Variants in EYS observed in about 807,000 individuals in gnomAD.
The protein encoded by EYS is EGF-like photoreceptor maintenance factor, also known as protein eyes shut homolog.
EYS carries 250 observed loss-of-function variants against 282.1 expected under a neutral mutation model. The ratio of observed to expected loss-of-function variants is 0.89; its 90% CI spans 0.80 to 0.98. EYS has a LOEUF of 0.98. Among genes scored for constraint, EYS ranks in the 50% least tolerant of loss-of-function variants. The pLI, the probability that EYS is intolerant of heterozygous loss-of-function variation, is 0.00. For missense variants in EYS, 4,016 were observed against 3,709.0 expected (o/e 1.08, Z -2.15); for synonymous variants, 1,355 against 1,282.9 (o/e 1.06, Z -1.20).
intron 12 of EYS, among the ~76,000 whole-genome samples, chr6:65,242,799 AT>A (rs1449858361): frequency 6.6e-6 from 1 of 151,986 alleles, no homozygotes; most frequent in Admixed American, 6.6e-5. Context: ...TATTTTTATT[AT>A]ATTTGATCTA....
At chr6:63,991,087 T>C (rs1026707726) in intron 34 of EYS, among the ~76,000 whole-genome samples, 1 of 151,652 alleles carries the variant, frequency 6.6e-6, no homozygotes, top group Non-Finnish European at 1.5e-5. Flanking sequence ...ACCTGTAGTA[T>C]CATATACAGA....
At chr6:64,313,730 A>G (rs1374510447) in intron 29 of EYS, among the ~76,000 whole-genome samples, 1 of 152,192 alleles carries the variant, frequency 6.6e-6, no homozygotes, top group Middle Eastern at 3.2e-3. Context: ...CTTAAAGAAA[A>G]GAATTTTCAG....
In EYS at chr6:65,296,998, A is replaced by G. The variant is rs181839050; in HGVS notation, c.1767-879T>C. On this transcript the variant is annotated intron_variant, in intron 11 of 42. Transcript: ENST00000503581. Reference sequence around the variant, plus strand: ...TTCAAATACAGACGTGCACAGAAACACACACACATCTGTTCAAGGCCTAAT... The same window carrying G: ...TTCAAATACAGACGTGCACAGAAACGCACACACATCTGTTCAAGGCCTAAT... Among the ~76,000 whole-genome samples the G allele has an allele frequency of 2.7e-3, 417 of 151,866 alleles. 12 individuals are homozygous for G. Among genetic ancestry groups the G allele is most frequent in the Admixed American group, 0.026 (393 of 15,222 alleles).
chr6:64,982,560 G>A (rs960965593), intron 14 of EYS, among the ~76,000 whole-genome samples: 3 of 151,180 alleles, frequency 2.0e-5, no homozygotes, highest in African/African-American at 7.3e-5. Context: ...AAAGAAGTTT[G>A]AAAAGTGTTG....
At chr6:64,213,318 T>C (rs1256206589) in intron 31 of EYS, among the ~76,000 whole-genome samples, 37 of 152,186 alleles carry the variant, frequency 2.4e-4, no homozygotes, top group Admixed American at 2.4e-3. Flanking sequence ...GTTCAAGTGC[T>C]CTATAATCTG....
intron 30 of EYS, among the ~76,000 whole-genome samples, chr6:64,292,519 A>G (rs1768749779): frequency 6.6e-6 from 1 of 152,120 alleles, no homozygotes; most frequent in Non-Finnish European, 1.5e-5. Flanking sequence ...AAGTTAGAAT[A>G]AGGTTGGGAC....
chr6:64,474,991 A>G (rs1776217749), intron 26 of EYS, among the ~76,000 whole-genome samples: 1 of 152,234 alleles, frequency 6.6e-6, no homozygotes, highest in Non-Finnish European at 1.5e-5. Context: ...TCTCTTGGCC[A>G]TGAGGCAATG....
chr6:64,020,365 C>G (rs919544963), intron 33 of EYS, among the ~76,000 whole-genome samples: 3 of 152,024 alleles, frequency 2.0e-5, no homozygotes, highest in African/African-American at 7.3e-5. Context: ...AAAACCTTTT[C>G]CTTTAAAAAT....
At chr6:64,615,769 T>C (rs1331684073) in intron 24 of EYS, among the ~76,000 whole-genome samples, 1 of 152,110 alleles carries the variant, frequency 6.6e-6, no homozygotes, top group African/African-American at 2.4e-5. Flanking sequence ...TTAAATTTTG[T>C]TTCAGCTTTC....
chr6:63,954,687 T>G (rs897576099), intron 35 of EYS, among the ~76,000 whole-genome samples: 1 of 152,092 alleles, frequency 6.6e-6, no homozygotes, highest in African/African-American at 2.4e-5. Flanking sequence ...ACGGCAGTTG[T>G]TCTTCTCATC....
intron 8 of EYS, among the ~76,000 whole-genome samples, chr6:65,367,504 C>T (rs972523409): frequency 2.6e-5 from 4 of 151,432 alleles, no homozygotes; most frequent in African/African-American, 7.3e-5. Flanking sequence ...TTTAAAATGT[C>T]TATATGTTTC....
chr6:64,126,506 A>G (rs1466775431), intron 31 of EYS, among the ~76,000 whole-genome samples: 1 of 151,932 alleles, frequency 6.6e-6, no homozygotes, highest in African/African-American at 2.4e-5. Context: ...TCACTCAGAT[A>G]TCTTACTAAT....
intron 32 of EYS, among the ~76,000 whole-genome samples, chr6:64,077,732 T>G (rs912942874): frequency 6.6e-6 from 1 of 151,980 alleles, no homozygotes; most frequent in Non-Finnish European, 1.5e-5. Flanking sequence ...TGCATGGTAA[T>G]ATATCCCATG....
At chr6:64,850,850 T>G (rs1425254651) in intron 19 of EYS, among the ~76,000 whole-genome samples, 1 of 152,068 alleles carries the variant, frequency 6.6e-6, no homozygotes, top group Non-Finnish European at 1.5e-5. Context: ...ATAGACATGA[T>G]TTATTTTGAA....
At chr6:63,726,482 G>T in intron 42 of EYS, 37 bp downstream of exon 42, 1 of 1,525,088 alleles carries the variant, frequency 6.6e-7, no homozygotes, top group South Asian at 1.2e-5. Context: ...AGACTATTAG[G>T]AATTCATTCT....
rs566626742 is a variant in EYS, at chr6:65,485,799, C to T, written c.862+4795G>A. On this transcript the variant is annotated intron_variant, in intron 5 of 42. Coordinates refer to ENST00000503581, the MANE Select transcript of EYS (RefSeq NM_001142800.2). ...AACCTGGGTGAAACAGTGAGACTGC[C>T]TCAAACAAAAAAAAAAATGTGAGCC... Among the ~76,000 whole-genome samples the T allele has an allele frequency of 8.5e-5, 11 of 129,962 alleles. No homozygotes were observed. The East Asian group carries it at 1.1e-3, about 13-fold the overall frequency. 85.3% of individuals were successfully genotyped at this position (129,962 alleles called of 152,430 possible).
chr6:63,879,069 G>C (rs149364474), intron 35 of EYS, among the ~76,000 whole-genome samples: 41 of 152,232 alleles, frequency 2.7e-4, no homozygotes, highest in African/African-American at 8.9e-4. Context: ...GACTGGAGCT[G>C]TTCCTATTTG....
chr6:65,092,677 A>ATTTTGTGT (rs1193498312), intron 12 of EYS, among the ~76,000 whole-genome samples: 2 of 152,156 alleles, frequency 1.3e-5, no homozygotes, highest in Non-Finnish European at 2.9e-5. Flanking sequence ...TATCCTGCAC[A>ATTTTGTGT]TTTTGTGTTT....
At chr6:63,851,350 C>T (rs958147034) in intron 36 of EYS, among the ~76,000 whole-genome samples, 1 of 152,128 alleles carries the variant, frequency 6.6e-6, no homozygotes, top group Non-Finnish European at 1.5e-5. Context: ...AACTCTCCAC[C>T]CCAAATCAAT....
Sources: allele counts gnomAD v4.1 joint callset (sites outside exome capture counted in the v4.1 genomes callset), GRCh38; gene constraint gnomAD v4.1.1; transcripts MANE v1.5; gene names NCBI Gene and HGNC (gene_info 2026-07-23, HGNC 2026-07-21).